The following AGBL1 variants were observed in gnomAD, a reference collection of about 807,000 sequenced individuals.
AGBL1 encodes cytosolic carboxypeptidase 4.
Under a neutral mutation model 118.9 loss-of-function variants are expected in AGBL1, and 130 were observed. The observed-to-expected ratio is 1.09, with a 90% CI of 0.95 to 1.26. The LOEUF (loss-of-function observed/expected upper bound fraction) is 1.26, where lower values mean the gene tolerates loss of function less well. Among genes scored for constraint, AGBL1 ranks in the 50% most tolerant of loss-of-function variants. The pLI is 0.00. For synonymous variants in AGBL1, 555 were observed against 478.9 expected, an observed-to-expected ratio of 1.16 and a Z score of -2.08; for missense variants, 1,584 against 1,298.1, an observed-to-expected ratio of 1.22 and a Z score of -3.38.
At chr15:86,817,079 G>A (rs906038451) in intron 22 of AGBL1, among the ~76,000 whole-genome samples, 1 of 151,962 alleles carries the variant, frequency 6.6e-6, no homozygotes, top group Non-Finnish European at 1.5e-5. Context: ...CTGAGGTCAG[G>A]AGTTCGAGAC....
intron 7 of AGBL1, among the ~76,000 whole-genome samples, chr15:86,254,673 T>C (rs2078867219): frequency 6.6e-6 from 1 of 152,224 alleles, no homozygotes; most frequent in Admixed American, 6.5e-5. Flanking sequence ...AAGGATCCTA[T>C]TTCCTGGAGT....
chr15:86,783,331 C>G (rs2078360548), intron 22 of AGBL1, among the ~76,000 whole-genome samples: 1 of 152,170 alleles, frequency 6.6e-6, no homozygotes, highest in Non-Finnish European at 1.5e-5. Context: ...TTAATGTTAT[C>G]AGCTACTATG....
intron 5 of AGBL1, among the ~76,000 whole-genome samples, chr15:86,214,570 C>A (rs1379281638): frequency 6.6e-6 from 1 of 152,198 alleles, no homozygotes. Flanking sequence ...AGAGTCACAC[C>A]TCTATGTAGA....
At chr15:86,877,437 A>G (rs1474175184) in intron 22 of AGBL1, among the ~76,000 whole-genome samples, 2 of 152,126 alleles carry the variant, frequency 1.3e-5, no homozygotes, top group African/African-American at 4.8e-5. Context: ...GGAGGATATT[A>G]AGTTGTGTTC....
intron 5 of AGBL1, among the ~76,000 whole-genome samples, chr15:86,224,013 T>A (rs150445478): frequency 6.6e-6 from 1 of 152,282 alleles, no homozygotes; most frequent in East Asian, 1.9e-4. Context: ...CTGACATGTC[T>A]GTACAGTCTT....
At chr15:86,487,453 A>G (rs2082728193) in intron 18 of AGBL1, among the ~76,000 whole-genome samples, 1 of 152,120 alleles carries the variant, frequency 6.6e-6, no homozygotes, top group Non-Finnish European at 1.5e-5. Context: ...ACTCATCAGG[A>G]ACACCTTTGT....
At chr15:86,189,124 A>G (rs575395801) in intron 5 of AGBL1, among the ~76,000 whole-genome samples, 1 of 152,310 alleles carries the variant, frequency 6.6e-6, no homozygotes, top group African/African-American at 2.4e-5. Context: ...TAAATTTGTA[A>G]TTTATTTAGA....
At chr15:86,742,539 AAG>A (rs2077695182) in intron 22 of AGBL1, among the ~76,000 whole-genome samples, 1 of 152,010 alleles carries the variant, frequency 6.6e-6, no homozygotes, top group Non-Finnish European at 1.5e-5. Flanking sequence ...GGGAAGGAAA[AAG>A]AAGCACCTAC....
At chr15:86,452,467 T>C (rs2082206318) in intron 18 of AGBL1, among the ~76,000 whole-genome samples, 1 of 152,174 alleles carries the variant, frequency 6.6e-6, no homozygotes, top group South Asian at 2.1e-4. Context: ...CCTGTCTCAA[T>C]TACACCAGGA....
At chr15:86,962,962 A>C (rs2081008548) in intron 23 of AGBL1, among the ~76,000 whole-genome samples, 1 of 152,120 alleles carries the variant, frequency 6.6e-6, no homozygotes, top group Non-Finnish European at 1.5e-5. Context: ...ACAAACTAGA[A>C]ACATGTAATT....
rs537548630 is a variant in AGBL1, at chr15:86,648,874, A to G, written c.2995-25399A>G. Among the ~76,000 whole-genome samples the G allele has an allele frequency of 8.5e-5, 13 of 152,340 alleles. 1 individual carries two copies. The South Asian group carries it at 2.7e-3, about 32-fold the overall frequency. On this transcript the variant is annotated intron_variant, in intron 21 of 22. Coordinates refer to ENST00000614907, the MANE Select transcript of AGBL1 (RefSeq NM_001386094.1). ...TATCAGATTTAATGAAATGAAGGCAATTGATGACTTTGGCATGAGAAGTTT... is the reference window on the plus strand; with the variant it reads ...TATCAGATTTAATGAAATGAAGGCAGTTGATGACTTTGGCATGAGAAGTTT...
At chr15:86,660,788 A>G (rs1302209752) in intron 21 of AGBL1, among the ~76,000 whole-genome samples, 3 of 152,174 alleles carry the variant, frequency 2.0e-5, no homozygotes, top group African/African-American at 7.2e-5. Flanking sequence ...AGCAAATTCT[A>G]GCCATGCGTA....
chr15:86,126,462 A>C (rs1898437963), intron 1 of AGBL1, among the ~76,000 whole-genome samples: 1 of 152,202 alleles, frequency 6.6e-6, no homozygotes, highest in South Asian at 2.1e-4. Flanking sequence ...TGGAATGTTT[A>C]TATTTCCAAA....
At chr15:86,450,685 G>A (rs1314847916) in intron 18 of AGBL1, among the ~76,000 whole-genome samples, 1 of 152,168 alleles carries the variant, frequency 6.6e-6, no homozygotes, top group Non-Finnish European at 1.5e-5. Flanking sequence ...GCTTAGTTAT[G>A]TACTGACTGT....
intron 18 of AGBL1, among the ~76,000 whole-genome samples, chr15:86,437,346 G>C (rs2082011628): frequency 6.6e-6 from 1 of 152,128 alleles, no homozygotes; most frequent in African/African-American, 2.4e-5. Flanking sequence ...CTCTCCAATA[G>C]AGAAAAGAGA....
chr15:86,554,486 A>G lies in AGBL1; in HGVS notation c.2943A>G (p.Arg981=). Residue 981 remains arginine, a synonymous_variant, in exon 21 of 23, where the codon AGA becomes AGG. Coordinates refer to ENST00000614907, the MANE Select transcript of AGBL1 (RefSeq NM_001386094.1). ...VVVWREMGVS[R]SYTMESSYCG... is the part of the protein sequence containing the mutation. ...TGTGGAGAGAGATGGGGGTGTCCAG[A>G]AGCTACACCATGGAAAGCAGCTACT... 1 of 1,580,240 alleles carries G rather than the reference A, an allele frequency of 6.3e-7. No individual in the cohort carries two copies.
chr15:86,894,495 C>T (rs1367848849), intron 22 of AGBL1, among the ~76,000 whole-genome samples: 1 of 152,130 alleles, frequency 6.6e-6, no homozygotes, highest in Admixed American at 6.6e-5. Flanking sequence ...TAGAATGCTG[C>T]CCTTAGAAGA....
At chr15:86,313,362 T>C (rs1363993726) in intron 17 of AGBL1, among the ~76,000 whole-genome samples, 2 of 152,226 alleles carry the variant, frequency 1.3e-5, no homozygotes, top group Admixed American at 1.3e-4. Flanking sequence ...TAAGCACACT[T>C]ACGCAAACAA....
At chr15:86,819,205 C>T (rs1001918147) in intron 22 of AGBL1, among the ~76,000 whole-genome samples, 2 of 151,774 alleles carry the variant, frequency 1.3e-5, no homozygotes, top group African/African-American at 2.4e-5. Flanking sequence ...ATGCTGAGGT[C>T]GGTAGTGATA....
Sources: gnomAD v4.1 joint callset for allele counts (sites outside exome capture counted in the v4.1 genomes callset) on GRCh38, gnomAD v4.1.1 for gene constraint, MANE v1.5 for transcripts, NCBI Gene and HGNC (gene_info 2026-07-23, HGNC 2026-07-21) for gene names.